ITGAM: variants seen among roughly 807,000 people sequenced by gnomAD.
ITGAM encodes the protein integrin alpha-M.
A neutral mutation model predicts 137.5 loss-of-function variants in ITGAM; 79 were observed. That is an observed-to-expected ratio of 0.57 (90% confidence interval 0.48 to 0.69). The LOEUF (loss-of-function observed/expected upper bound fraction) is 0.69, where lower values mean the gene tolerates loss of function less well. ITGAM is among the 30% of genes least tolerant of loss of function. The pLI is 0.00. For synonymous variants in ITGAM, 583 were observed against 592.3 expected, an observed-to-expected ratio of 0.98 and a Z score of 0.23; for missense variants, 1,343 against 1,483.5, an observed-to-expected ratio of 0.91 and a Z score of 1.56.
At chr16:31,326,078 A>G (rs1443754455) in intron 21 of ITGAM, among the ~76,000 whole-genome samples, 2 of 151,882 alleles carry the variant, frequency 1.3e-5, no homozygotes, top group African/African-American at 4.9e-5. Context: ...AAATAAATAA[A>G]ATGAAATAAA....
At chr16:31,262,029 C>T (rs752366860) in intron 2 of ITGAM, among the ~76,000 whole-genome samples, 2 of 152,144 alleles carry the variant, frequency 1.3e-5, no homozygotes, top group African/African-American at 2.4e-5. Context: ...GGAGGGACCT[C>T]ACAAATGGTT....
At chr16:31,288,594 T>C (rs1452780693) in intron 12 of ITGAM, among the ~76,000 whole-genome samples, 1 of 152,064 alleles carries the variant, frequency 6.6e-6, no homozygotes. Flanking sequence ...TTACACCTTA[T>C]ACAAAAATTA....
At chr16:31,327,522 A>G (rs1283003106) in intron 22 of ITGAM, among the ~76,000 whole-genome samples, 1 of 152,036 alleles carries the variant, frequency 6.6e-6, no homozygotes. Context: ...TGAGCCTGGA[A>G]GATTGAGGCT....
chr16:31,267,176 T>C (rs144240275), intron 5 of ITGAM, among the ~76,000 whole-genome samples: 432 of 152,280 alleles, frequency 2.8e-3, no homozygotes, highest in Non-Finnish European at 4.3e-3. Context: ...TGAGCCACCA[T>C]GCCTGGCCAG....
chr16:31,287,200 G>A (rs1448409428), intron 12 of ITGAM, among the ~76,000 whole-genome samples: 1 of 152,040 alleles, frequency 6.6e-6, no homozygotes, highest in Non-Finnish European at 1.5e-5. Flanking sequence ...TAGGTGGGTG[G>A]CTTTATTTCT....
intron 14 of ITGAM, among the ~76,000 whole-genome samples, chr16:31,309,811 T>TA (rs1475563450): frequency 2.6e-5 from 4 of 152,182 alleles, no homozygotes; most frequent in Non-Finnish European, 5.9e-5. Context: ...TTTCCATGTT[T>TA]AGTGCTTCCT....
intron 12 of ITGAM, among the ~76,000 whole-genome samples, chr16:31,292,555 G>A (rs776943321): frequency 5.9e-5 from 9 of 152,086 alleles, no homozygotes; most frequent in Non-Finnish European, 8.8e-5. Context: ...TAAGGATAAC[G>A]GCCTTCAGCT....
Position 31,277,038 on chromosome 16 carries a change from A to G in ITGAM, c.1202A>G (p.Asp401Gly), listed in dbSNP as rs754654388. 6.2e-7 allele frequency: 1 copy of G among 1,611,526 alleles called. No individual in the cohort carries two copies. The highest frequency in any genetic ancestry group is 2.2e-5 in the East Asian group (1 of 44,854). ...NMTRVDSDMN[D>G]AYLGYAAAII... ...ACCAGAGTGGATTCAGACATGAATGATGCTTACTTGGGTAAGTGGGGAGGG... is the reference window on the plus strand; with the variant it reads ...ACCAGAGTGGATTCAGACATGAATGGTGCTTACTTGGGTAAGTGGGGAGGG... Residue 401 changes from aspartate (D) to glycine (G), a missense_variant, in exon 11 of 30, where the codon GAT (aspartate) becomes GGT (glycine). By Grantham distance (94) the Asp-to-Gly change is moderately conservative. Coordinates refer to ENST00000544665, the MANE Select transcript of ITGAM (RefSeq NM_000632.4).
At chr16:31,270,332 T>C (rs2079818947) in intron 5 of ITGAM, among the ~76,000 whole-genome samples, 1 of 151,542 alleles carries the variant, frequency 6.6e-6, no homozygotes, top group Non-Finnish European at 1.5e-5. Flanking sequence ...AAACTCCTGA[T>C]CTCAAGTGAT....
Position 31,332,618 on chromosome 16 carries a change from A to AC in ITGAM, c.*912dup. On this transcript the variant is annotated 3_prime_UTR_variant, in exon 30 of 30. Transcript: ENST00000544665. ...GCACGTGTGCACACACACCACACAT[A>AC]CACACACACAAGCTTTTTTACACAA... 1 of 151,028 alleles carries AC rather than the reference A, an allele frequency of 6.6e-6. No homozygotes were observed. The highest frequency in any genetic ancestry group is 1.9e-4 in the East Asian group (1 of 5,188). The allele number at this position is 151,028 out of a possible 1,614,324, so 9.4% of individuals were successfully genotyped here. A position where few individuals can be genotyped will look rare whatever the true frequency, so the allele number is the denominator to read the frequency against.
chr16:31,261,475 C>G (rs1486305032), intron 1 of ITGAM, among the ~76,000 whole-genome samples: 1 of 151,868 alleles, frequency 6.6e-6, no homozygotes, highest in African/African-American at 2.4e-5. Context: ...AGCCACCACA[C>G]CCAGCCATTG....
intron 8 of ITGAM, 118 bp from the exon 9 acceptor site, chr16:31,275,431 T>C: frequency 9.2e-7 from 1 of 1,083,280 alleles, no homozygotes; most frequent in South Asian, 1.5e-5. Context: ...CCAGGGACCT[T>C]CTGATGCATT....
At chr16:31,303,160 G>C (rs118105557) in intron 14 of ITGAM, among the ~76,000 whole-genome samples, 1 of 151,514 alleles carries the variant, frequency 6.6e-6, no homozygotes, top group East Asian at 1.9e-4. Flanking sequence ...AGCTGCCCAA[G>C]TAGCTGAGAC....
At position 31,324,421 on chromosome 16, in the gene ITGAM, T is replaced by A. The variant is rs1472635297; in HGVS notation, c.2025T>A (p.Thr675=). 3.2e-6 allele frequency: 5 copies of A among 1,552,474 alleles called. No individual in the cohort carries two copies. In the East Asian group the frequency reaches 1.2e-4, roughly 38 times the overall value. ...CAGGACAGATCCAGAGTGTTGTGAC[T>A]TATGACCTGGCTCTGGACTCCGGCC... ...LREGQIQSVV[T]YDLALDSGRP... Residue 675 remains threonine, a synonymous_variant, in exon 17 of 30, where the codon ACT becomes ACA. Coordinates refer to ENST00000544665, the MANE Select transcript of ITGAM (RefSeq NM_000632.4). This position sits in a 1 kb window ranked among gnomAD's most constrained non-coding sequence, Gnocchi z 4.5.
chr16:31,320,194 C>T (rs2080434704), intron 14 of ITGAM, among the ~76,000 whole-genome samples: 1 of 152,146 alleles, frequency 6.6e-6, no homozygotes, highest in Admixed American at 6.5e-5. Flanking sequence ...TTATCATGGT[C>T]TATTTTAAGC....
chr16:31,324,662 GGA>G lies in ITGAM; in HGVS notation c.2170_2171del (p.Asp724ProfsTer43). The G allele has an allele frequency of 6.2e-7, 1 of 1,602,270 alleles. No homozygotes were observed. Reference sequence around the variant, plus strand: ...CGGCTATCTCTTAGAATTGCATCGAGGACCCAGTGAGCCCCATTGTGCTGCGC... The same window carrying G: ...CGGCTATCTCTTAGAATTGCATCGAGCCCAGTGAGCCCCATTGTGCTGCGC... The part of the protein sequence containing the change: ...LKLQLPNCIE[D>X]PVSPIVLRLN... On this transcript the variant is annotated frameshift_variant, in exon 18 of 30. Transcript: ENST00000544665. LOFTEE classifies it high-confidence loss of function. The surrounding 1 kb of genome is among the most constrained non-coding windows in gnomAD (Gnocchi z 4.5).
rs941883883 is a variant in ITGAM at position 31,329,315 on chromosome 16, G to A, written c.2868+12G>A. The A allele has an allele frequency of 9.5e-6, 15 of 1,585,584 alleles. No individual in the cohort carries two copies. Among genetic ancestry groups the A allele is most frequent in the African/African-American group, 1.3e-5 (1 of 74,282 alleles). Reference sequence around the variant, plus strand: ...AGCATCAATATCAGGTGGGCAGCTGGGACGTCTGGGTCCTGAGAAGGAGGC... The same window carrying A: ...AGCATCAATATCAGGTGGGCAGCTGAGACGTCTGGGTCCTGAGAAGGAGGC... On this transcript the variant is annotated intron_variant, in intron 24 of 29. Transcript: ENST00000544665.
rs1315331633 is a variant in ITGAM, at chr16:31,277,004, A to G, written c.1168A>G (p.Ile390Val). ...LYTSKEKSTF[I>V]NMTRVDSDMN... ...TACATCAAAGGAGAAAAGCACCTTC[A>G]TCAACATGACCAGAGTGGATTCAGA... Residue 390 changes from isoleucine to valine, a missense_variant, in exon 11 of 30, where the codon ATC becomes GTC. Ile to Val is a conservative substitution (Grantham distance 29). Transcript: ENST00000544665. 6.2e-7 allele frequency: 1 copy of G among 1,613,320 alleles called. No individual in the cohort carries two copies. Among genetic ancestry groups the G allele is most frequent in the Admixed American group, 1.7e-5 (1 of 59,892 alleles).
chr16:31,302,237 G>A (rs1343524770), intron 14 of ITGAM, among the ~76,000 whole-genome samples: 1 of 152,082 alleles, frequency 6.6e-6, no homozygotes, highest in Non-Finnish European at 1.5e-5. Flanking sequence ...AGCAGGCATC[G>A]GGCTCTGTGA....
Sources: gnomAD v4.1 joint callset for allele counts (sites outside exome capture counted in the v4.1 genomes callset) on GRCh38, gnomAD v4.1.1 for gene constraint, Gnocchi (gnomAD v3.1) non-coding constraint, MANE v1.5 for transcripts, NCBI Gene and HGNC (gene_info 2026-07-23, HGNC 2026-07-21) for gene names.